Variants in FSIP1 observed in about 807,000 individuals in gnomAD.
FSIP1 encodes the protein fibrous sheath-interacting protein 1.
A neutral mutation model predicts 60.9 loss-of-function variants in FSIP1; 65 were observed. The observed-to-expected ratio is 1.07, with a 90% CI of 0.87 to 1.31. The LOEUF (loss-of-function observed/expected upper bound fraction) is 1.31, where lower values mean the gene tolerates loss of function less well. Among genes scored for constraint, FSIP1 ranks in the 40% most tolerant of loss-of-function variants. The pLI, the probability that FSIP1 is intolerant of heterozygous loss-of-function variation, is 0.00. For synonymous variants in FSIP1, 209 were observed against 221.2 expected (o/e 0.94, Z 0.49); for missense variants, 675 against 665.5 (o/e 1.01, Z -0.16).
At chr15:39,670,722 T>C (rs570082541) in intron 10 of FSIP1, among the ~76,000 whole-genome samples, 97 of 152,374 alleles carry the variant, frequency 6.4e-4, no homozygotes, top group African/African-American at 2.2e-3. Flanking sequence ...AGGGCTGCCA[T>C]GTTATACTGC....
In FSIP1 at chr15:39,765,603, C is replaced by T. The variant is rs1307425499; in HGVS notation, c.454G>A (p.Glu152Lys). 4 of 1,578,052 alleles carry T rather than the reference C, an allele frequency of 2.5e-6. No homozygotes were observed. The African/African-American group carries it at 5.5e-5, about 22-fold the overall frequency. The change falls in exon 4 of 12, where the codon GAA (glutamate) becomes AAA (lysine). Residue 152 changes from glutamate (E) to lysine (K), a missense_variant. By Grantham distance (56) the Glu-to-Lys change is moderately conservative. Transcript: ENST00000350221. ...TAGATAATTCTTACCTTAATTTCTT[C>T]CCACAGCTTTATTCTCATTTCTAGA... ...QGLEMRIKLW[E>K]EIKSAKYSEA...
chr15:39,711,400 A>G (rs1482289185), intron 10 of FSIP1, among the ~76,000 whole-genome samples: 1 of 152,052 alleles, frequency 6.6e-6, no homozygotes, highest in East Asian at 1.9e-4. Context: ...CCCACCTCCT[A>G]ATCCCATCAC....
At chr15:39,776,209 G>GGAGC (rs1321555756) in intron 2 of FSIP1, among the ~76,000 whole-genome samples, 190 bp downstream of exon 2, 2 of 128,344 alleles carry the variant, frequency 1.6e-5, no homozygotes, top group African/African-American at 5.7e-5. Context: ...AGGGAGGGAG[G>GGAGC]GAGGGAGGGA....
chr15:39,713,525 A>G lies in FSIP1; in HGVS notation c.1107T>C (p.Leu369=), dbSNP rs371746389. ...GATCGCGTTGCTCTTTGGTGTTCCT[A>G]AGTATCTTTTCTCCTGGAGTTACTT... ...NMEVTPGEKI[L]RNTKEQRDLH... is the part of the protein sequence containing the mutation. The change falls in exon 10 of 12, where the codon CTT becomes CTC. Residue 369 remains leucine (L), a synonymous_variant. Transcript: ENST00000350221. 26 of 1,610,154 alleles carry G rather than the reference A, an allele frequency of 1.6e-5. No individual in the cohort carries two copies. In the African/African-American group the frequency reaches 3.4e-4, roughly 21 times the overall value.
intron 1 of FSIP1, among the ~76,000 whole-genome samples, chr15:39,777,130 C>T (rs1392705379): frequency 6.6e-6 from 1 of 151,832 alleles, no homozygotes; most frequent in Non-Finnish European, 1.5e-5. Context: ...GACGGGGTTT[C>T]GCCATGTTGG....
At chr15:39,629,791 C>T (rs1014544654) in intron 10 of FSIP1, among the ~76,000 whole-genome samples, 9 of 152,116 alleles carry the variant, frequency 5.9e-5, no homozygotes, top group South Asian at 2.1e-4. Context: ...GAATCCAAGC[C>T]CCATAGCTGG....
intron 8 of FSIP1, among the ~76,000 whole-genome samples, chr15:39,732,357 C>T (rs557653455): frequency 1.3e-5 from 2 of 152,160 alleles, no homozygotes; most frequent in Non-Finnish European, 2.9e-5. Flanking sequence ...TGGTGCCTCA[C>T]GCCTGTAATC....
At chr15:39,758,519 G>A (rs1183918592) in intron 5 of FSIP1, among the ~76,000 whole-genome samples, 1 of 151,906 alleles carries the variant, frequency 6.6e-6, no homozygotes, top group East Asian at 1.9e-4. Context: ...TGAGGGGGGG[G>A]AATAAGGGGT....
intron 5 of FSIP1, among the ~76,000 whole-genome samples, chr15:39,747,694 C>T (rs7179417): frequency 0.59 from 89,219 of 151,990 alleles, 26,725 homozygotes; most frequent in African/African-American, 0.69. Flanking sequence ...GATATCTGAA[C>T]TCAGCTTCCA....
chr15:39,758,861 A>C (rs1897388973), intron 5 of FSIP1, among the ~76,000 whole-genome samples: 1 of 152,152 alleles, frequency 6.6e-6, no homozygotes, highest in Non-Finnish European at 1.5e-5. Context: ...AATGGAATAA[A>C]ATAGAAAATC....
chr15:39,680,236 G>C (rs949217231), intron 10 of FSIP1, among the ~76,000 whole-genome samples: 2 of 152,132 alleles, frequency 1.3e-5, no homozygotes, highest in Non-Finnish European at 2.9e-5. Flanking sequence ...CAAAAGATGA[G>C]AATATAAACA....
intron 10 of FSIP1, among the ~76,000 whole-genome samples, chr15:39,628,558 G>A (rs1284321194): frequency 6.6e-6 from 1 of 152,114 alleles, no homozygotes; most frequent in African/African-American, 2.4e-5. Flanking sequence ...CATCTTAGAC[G>A]CATCTCCAGC....
intron 8 of FSIP1, among the ~76,000 whole-genome samples, chr15:39,732,257 A>G (rs1283487139): frequency 6.6e-6 from 1 of 152,180 alleles, no homozygotes; most frequent in Non-Finnish European, 1.5e-5. Flanking sequence ...CCAGTTCCTA[A>G]CAGGCCATGG....
At chr15:39,724,939 G>A (rs1157630312) in intron 9 of FSIP1, among the ~76,000 whole-genome samples, 4 of 152,058 alleles carry the variant, frequency 2.6e-5, no homozygotes, top group African/African-American at 9.7e-5. Context: ...TCATGTCAAA[G>A]TCCTGGGATA....
intron 1 of FSIP1, among the ~76,000 whole-genome samples, chr15:39,781,957 C>T (rs1394272213): frequency 6.6e-6 from 1 of 152,170 alleles, no homozygotes; most frequent in East Asian, 1.9e-4. Context: ...TGAGGCTTAC[C>T]ATAAGTAAGT....
intron 10 of FSIP1, among the ~76,000 whole-genome samples, chr15:39,698,898 G>T (rs1336003000): frequency 6.6e-6 from 1 of 152,178 alleles, no homozygotes; most frequent in Non-Finnish European, 1.5e-5. Flanking sequence ...GACCTGCCTG[G>T]CATAACCAAG....
chr15:39,721,799 T>A (rs926244454), intron 9 of FSIP1, among the ~76,000 whole-genome samples: 1 of 152,212 alleles, frequency 6.6e-6, no homozygotes, highest in African/African-American at 2.4e-5. Context: ...AGAAGTTAGG[T>A]CTAATGCTGA....
chr15:39,770,388 T>G, intron 3 of FSIP1, 39 bp downstream of exon 3: 3 of 1,372,976 alleles, frequency 2.2e-6, no homozygotes, highest in African/African-American at 2.9e-5. Flanking sequence ...CATTAACATT[T>G]GTAATTATCA....
intron 10 of FSIP1, among the ~76,000 whole-genome samples, chr15:39,656,970 C>A (rs1049596841): frequency 4.6e-5 from 7 of 152,102 alleles, no homozygotes; most frequent in Non-Finnish European, 8.8e-5. Flanking sequence ...CTTGTGGCTC[C>A]CAGATCTGTT....
Sources: gnomAD v4.1 joint callset for allele counts (sites outside exome capture counted in the v4.1 genomes callset) on GRCh38, gnomAD v4.1.1 for gene constraint, MANE v1.5 for transcripts, NCBI Gene and HGNC (gene_info 2026-07-23, HGNC 2026-07-21) for gene names.